SDK1: variants seen among roughly 807,000 people sequenced by gnomAD.
SDK1 encodes protein sidekick-1.
A neutral mutation model predicts 245.5 loss-of-function variants in SDK1; 157 were observed. The ratio of observed to expected loss-of-function variants is 0.64; its 90% CI spans 0.56 to 0.73. The LOEUF (loss-of-function observed/expected upper bound fraction) is 0.73. SDK1 is among the 30% of genes least tolerant of loss of function. The probability of loss-of-function intolerance (pLI) is 0.00; values close to 1 mark genes in which losing one functional copy is unlikely to be tolerated. For missense variants in SDK1, 3,583 were observed against 3,002.3 expected (o/e 1.19, Z -4.52); for synonymous variants, 1,647 against 1,278.5 (o/e 1.29, Z -6.15).
chr7:4,165,186 C>T (rs911666578), intron 32 of SDK1, among the ~76,000 whole-genome samples: 1 of 152,044 alleles, frequency 6.6e-6, no homozygotes, highest in Non-Finnish European at 1.5e-5. Context: ...TGGTGAAATT[C>T]TGTCTCTACT....
chr7:3,852,495 C>T (rs1780442328), intron 5 of SDK1, among the ~76,000 whole-genome samples: 2 of 151,386 alleles, frequency 1.3e-5, no homozygotes, highest in Admixed American at 1.3e-4. Context: ...CACCTGTAAT[C>T]CCAGCACTTT....
intron 2 of SDK1, among the ~76,000 whole-genome samples, chr7:3,629,461 A>T (rs1357366052): frequency 6.6e-6 from 1 of 152,166 alleles, no homozygotes; most frequent in Non-Finnish European, 1.5e-5. Flanking sequence ...ATCCAAGAAG[A>T]TTAGAGGCAA....
At chr7:3,776,918 C>T (rs1369793510) in intron 4 of SDK1, among the ~76,000 whole-genome samples, 1 of 152,138 alleles carries the variant, frequency 6.6e-6, no homozygotes, top group Non-Finnish European at 1.5e-5. Flanking sequence ...AGAACTGTAT[C>T]ATAGAGCACG....
chr7:3,352,666 G>A (rs962809300), intron 1 of SDK1, among the ~76,000 whole-genome samples: 1 of 152,136 alleles, frequency 6.6e-6, no homozygotes, highest in Admixed American at 6.5e-5. Flanking sequence ...ACACTGTTTG[G>A]GGTTTTACCA....
At chr7:3,845,414 C>T (rs113758654) in intron 5 of SDK1, among the ~76,000 whole-genome samples, 36 of 137,446 alleles carry the variant, frequency 2.6e-4, no homozygotes, top group Admixed American at 2.4e-3. Flanking sequence ...CGCTTGAACC[C>T]GGGTGGCAGA....
At chr7:4,010,834 A>T in intron 14 of SDK1, 132 bp from the exon 15 acceptor site, 6 of 926,890 alleles carry the variant, frequency 6.5e-6, no homozygotes, top group Non-Finnish European at 6.4e-6. Context: ...GCTAAATGGG[A>T]TAAGCTTTCC....
intron 4 of SDK1, among the ~76,000 whole-genome samples, chr7:3,697,472 T>G (rs1435342740): frequency 6.6e-6 from 1 of 152,242 alleles, no homozygotes; most frequent in Non-Finnish European, 1.5e-5. Context: ...TAGAAGTTGG[T>G]GCGAGGCCTT....
intron 3 of SDK1, among the ~76,000 whole-genome samples, chr7:3,641,563 G>C (rs975119002): frequency 6.6e-6 from 1 of 152,166 alleles, no homozygotes; most frequent in African/African-American, 2.4e-5. Context: ...GGGCTGGAAC[G>C]AGTTTGAAAG....
chr7:4,232,411 C>CTTTTTTTTTTTTTTTTTTTTTTTTTTTTT (rs71032930), intron 40 of SDK1, among the ~76,000 whole-genome samples: 2 of 98,786 alleles, frequency 2.0e-5, no homozygotes, highest in African/African-American at 3.8e-5. Flanking sequence ...TCTTTTCTTT[C>CTTTTTTTTTTTTTTTTTTTTTTTTTTTTT]TTTTTTTTTT....
intron 5 of SDK1, among the ~76,000 whole-genome samples, chr7:3,824,411 A>G (rs945191655): frequency 6.6e-6 from 1 of 152,160 alleles, no homozygotes. Context: ...AAAGCAGGGA[A>G]CCTTTATGTA....
intron 1 of SDK1, among the ~76,000 whole-genome samples, chr7:3,410,056 A>T (rs1779158370): frequency 6.6e-6 from 1 of 152,212 alleles, no homozygotes; most frequent in South Asian, 2.1e-4. Flanking sequence ...TGAGAATGAA[A>T]TGAATTGATA....
At chr7:3,448,480 G>A (rs1347308570) in intron 1 of SDK1, among the ~76,000 whole-genome samples, 1 of 151,622 alleles carries the variant, frequency 6.6e-6, no homozygotes, top group East Asian at 1.9e-4. Flanking sequence ...TTTTGCTCTA[G>A]AATAAATTAA....
chr7:3,307,410 T>C (rs1779443613), intron 1 of SDK1, among the ~76,000 whole-genome samples: 1 of 152,210 alleles, frequency 6.6e-6, no homozygotes, highest in South Asian at 2.1e-4. Flanking sequence ...GTTAGATACC[T>C]ACCTGCCAGT....
chr7:4,139,479 A>ATATG (rs1779343139), intron 28 of SDK1, among the ~76,000 whole-genome samples: 1 of 99,050 alleles, frequency 1.0e-5, no homozygotes, highest in African/African-American at 4.9e-5. Context: ...GTGTGTGTAT[A>ATATG]TGTGTGTGTA....
intron 1 of SDK1, among the ~76,000 whole-genome samples, chr7:3,611,335 G>A (rs535689535): frequency 2.0e-5 from 3 of 152,194 alleles, no homozygotes; most frequent in African/African-American, 4.8e-5. Context: ...TGTACCATTC[G>A]TTTATGTCCT....
intron 1 of SDK1, among the ~76,000 whole-genome samples, chr7:3,592,298 G>A (rs1314381183): frequency 6.6e-6 from 1 of 152,056 alleles, no homozygotes; most frequent in Non-Finnish European, 1.5e-5. Context: ...AAATATAATT[G>A]CCGTTTCTCC....
chr7:3,448,107 A>G (rs1462270459), intron 1 of SDK1, among the ~76,000 whole-genome samples: 1 of 152,216 alleles, frequency 6.6e-6, no homozygotes, highest in East Asian at 1.9e-4. Flanking sequence ...CATTGTATAG[A>G]TATTAGTAGA....
intron 44 of SDK1, among the ~76,000 whole-genome samples, chr7:4,252,165 T>A (rs1787344080): frequency 6.6e-6 from 1 of 152,140 alleles, no homozygotes; most frequent in Non-Finnish European, 1.5e-5. Flanking sequence ...CATTAACTTG[T>A]CATTTAACAT....
At chr7:4,070,323 T>C (rs905185530) in intron 20 of SDK1, among the ~76,000 whole-genome samples, 5 of 152,150 alleles carry the variant, frequency 3.3e-5, no homozygotes, top group Non-Finnish European at 7.4e-5. Flanking sequence ...AGTACTTGTT[T>C]CCTTATCACA....
Sources: gnomAD v4.1 joint callset for allele counts (sites outside exome capture counted in the v4.1 genomes callset) on GRCh38, gnomAD v4.1.1 for gene constraint, MANE v1.5 for transcripts, NCBI Gene and HGNC (gene_info 2026-07-23, HGNC 2026-07-21) for gene names.